Variants in LAMA3 observed in about 807,000 individuals in gnomAD.
LAMA3 encodes laminin subunit alpha 3.
In LAMA3, 281 loss-of-function variants were observed where a neutral mutation model predicts 402.0. The observed-to-expected ratio is 0.70, with a 90% CI of 0.63 to 0.77. The LOEUF (loss-of-function observed/expected upper bound fraction) is 0.77, where lower values mean the gene tolerates loss of function less well. Ranked by LOEUF, LAMA3 falls within the 30% of genes least tolerant of loss-of-function variation. The probability of loss-of-function intolerance (pLI) is 0.00; values close to 1 mark genes in which losing one functional copy is unlikely to be tolerated. For synonymous variants in LAMA3, 1,431 were observed against 1,558.4 expected, an observed-to-expected ratio of 0.92 and a Z score of 1.93; for missense variants, 3,840 against 4,215.5, an observed-to-expected ratio of 0.91 and a Z score of 2.47.
At chr18:23,803,823 C>T (rs1568200751) in intron 12 of LAMA3, among the ~76,000 whole-genome samples, 1 of 152,220 alleles carries the variant, frequency 6.6e-6, no homozygotes, top group African/African-American at 2.4e-5. Context: ...TGGTCTAAAA[C>T]AGGCCTAAGT....
intron 51 of LAMA3, among the ~76,000 whole-genome samples, 200 bp from the exon 52 acceptor site, chr18:23,905,322 C>T (rs1332439848): frequency 1.3e-5 from 2 of 152,074 alleles, no homozygotes; most frequent in Non-Finnish European, 1.5e-5. Flanking sequence ...GAGATAGGCC[C>T]ACCTCCCCAA....
intron 1 of LAMA3, among the ~76,000 whole-genome samples, chr18:23,694,931 C>T (rs1343113211): frequency 6.6e-6 from 1 of 152,204 alleles, no homozygotes. Context: ...CTTAGACACC[C>T]CATCAATGCT....
chr18:23,894,143 G>A (rs2080793177), intron 42 of LAMA3, among the ~76,000 whole-genome samples, 155 bp from the exon 43 acceptor site: 2 of 151,512 alleles, frequency 1.3e-5, no homozygotes, highest in Non-Finnish European at 2.9e-5. Flanking sequence ...AAGTAATTGT[G>A]GGTTTTGCCA....
At position 23,953,334 on chromosome 18, in the gene LAMA3, T is replaced by G. The variant is rs911204636; in HGVS notation, c.9856+225T>G. Among the ~76,000 whole-genome samples the G allele has an allele frequency of 3.4e-3, 501 of 148,142 alleles. 7 individuals carry two copies. Among genetic ancestry groups the G allele is most frequent in the African/African-American group, 0.012 (480 of 40,414 alleles). On this transcript the variant is annotated intron_variant, in intron 74 of 74. Transcript: ENST00000313654. Reference sequence around the variant, plus strand: ...CCAAGCCTGTAATTTTGTTTTTTTTTTTTGTTTTTTTTTTTGTTTTTTTTT... The same window carrying G: ...CCAAGCCTGTAATTTTGTTTTTTTTGTTTGTTTTTTTTTTTGTTTTTTTTT...
chr18:23,791,420 A>T (rs1024835653), intron 12 of LAMA3, among the ~76,000 whole-genome samples: 1 of 152,110 alleles, frequency 6.6e-6, no homozygotes, highest in Non-Finnish European at 1.5e-5. Flanking sequence ...AAAATGATAG[A>T]TAATTGGGAT....
intron 2 of LAMA3, 118 bp downstream of exon 2, chr18:23,714,190 A>G: frequency 9.7e-7 from 1 of 1,030,640 alleles, no homozygotes; most frequent in South Asian, 1.5e-5. Flanking sequence ...TCCCCTCATC[A>G]TTGTTAAACC....
chr18:23,777,766 A>G (rs533460905), intron 11 of LAMA3, 147 bp downstream of exon 11: 3 of 716,328 alleles, frequency 4.2e-6, no homozygotes, highest in African/African-American at 3.5e-5. Flanking sequence ...TAGTTGACCT[A>G]CTCCCCACCC....
intron 59 of LAMA3, among the ~76,000 whole-genome samples, chr18:23,916,032 G>GAA (rs1161975680): frequency 8.6e-6 from 1 of 116,316 alleles, no homozygotes; most frequent in African/African-American, 3.7e-5. Flanking sequence ...AAAAAAAAAA[G>GAA]AAAAGAAAAG....
chr18:23,705,115 T>C (rs958314528), intron 1 of LAMA3, among the ~76,000 whole-genome samples: 3 of 152,182 alleles, frequency 2.0e-5, no homozygotes, highest in African/African-American at 7.2e-5. Flanking sequence ...TGTGAGTCCC[T>C]TGTTCTGTTT....
At chr18:23,896,783 A>G (rs528012524) in intron 44 of LAMA3, among the ~76,000 whole-genome samples, 87 of 152,266 alleles carry the variant, frequency 5.7e-4, no homozygotes, top group African/African-American at 1.9e-3. Flanking sequence ...CAACGCCACT[A>G]TGGTATATAA....
chr18:23,929,526 C>T (rs1161426721), intron 64 of LAMA3, among the ~76,000 whole-genome samples: 1 of 151,154 alleles, frequency 6.6e-6, no homozygotes, highest in African/African-American at 2.4e-5. Flanking sequence ...GAAGGCCGCC[C>T]CTCTCTTGGT....
chr18:23,854,036 A>G (rs189582212), intron 32 of LAMA3, among the ~76,000 whole-genome samples: 5 of 152,352 alleles, frequency 3.3e-5, no homozygotes, highest in Admixed American at 3.3e-4. Context: ...TAGCAGGCCC[A>G]GCGGGGCCAC....
In LAMA3 at chr18:23,918,650, G is replaced by C. The variant is rs567512081; in HGVS notation, c.7923+1955G>C. Among the ~76,000 whole-genome samples, 1 of 152,188 alleles carries C rather than the reference G, an allele frequency of 6.6e-6. No individual in the cohort carries two copies. Among genetic ancestry groups the C allele is most frequent in the Non-Finnish European group, 1.5e-5 (1 of 68,046 alleles). Reference sequence around the variant, plus strand: ...ATCTGCTGGTTGATGGAGAGTTGGCGTGATGTTTGCTGCTTTATACCTATA... The same window carrying C: ...ATCTGCTGGTTGATGGAGAGTTGGCCTGATGTTTGCTGCTTTATACCTATA... On this transcript the variant is annotated intron_variant, in intron 60 of 74. Coordinates refer to ENST00000313654, the MANE Select transcript of LAMA3 (RefSeq NM_198129.4). This position sits in a 1 kb window ranked among gnomAD's most constrained non-coding sequence, Gnocchi z 4.1.
At chr18:23,858,636 A>G (rs1842393358) in intron 33 of LAMA3, 53 bp from the exon 34 acceptor site, 14 of 1,597,088 alleles carry the variant, frequency 8.8e-6, no homozygotes, top group Middle Eastern at 1.7e-4. Context: ...GCTAATTGCA[A>G]CTAGGGAAAT....
chr18:23,770,790 G>T (rs1032872139), intron 8 of LAMA3, among the ~76,000 whole-genome samples: 1 of 152,070 alleles, frequency 6.6e-6, no homozygotes, highest in Non-Finnish European at 1.5e-5. Flanking sequence ...ACAAAAAAAA[G>T]AGCTTAACAT....
intron 70 of LAMA3, chr18:23,946,518 C>T (rs1382350780): frequency 1.8e-6 from 1 of 546,314 alleles, no homozygotes; most frequent in South Asian, 2.1e-5. Flanking sequence ...GAAGATAGAG[C>T]TTCTCTGCCA....
intron 32 of LAMA3, among the ~76,000 whole-genome samples, chr18:23,852,485 A>C (rs4334381): frequency 0.63 from 95,656 of 151,504 alleles, 30,661 homozygotes; most frequent in African/African-American, 0.68. Context: ...GAGGTTTTTT[A>C]GCTTTCCCTT....
In LAMA3 at chr18:23,905,589, A is replaced by G. The variant is rs1194736462; in HGVS notation, c.6683A>G (p.Asn2228Ser). The change falls in exon 52 of 75, where the codon AAT (asparagine) becomes AGT (serine). Residue 2228 changes from asparagine (N) to serine (S), a missense_variant. By Grantham distance (46) the Asn-to-Ser change is conservative. This residue lies in a region of LAMA3 where 891 missense variants were observed against 857.5 expected (regional missense o/e 1.04). Coordinates refer to ENST00000313654, the MANE Select transcript of LAMA3 (RefSeq NM_198129.4). ...TLSSNSDKLLNEAKMTQKKLK... is the reference protein window; with the variant it reads ...TLSSNSDKLLSEAKMTQKKLK... ...AGTTCCAACAGTGATAAACTGTTAA[A>G]TGAAGCCAAGATGACACAAAAGAAG... 3 of 1,611,610 alleles carry G rather than the reference A, an allele frequency of 1.9e-6. No individual in the cohort carries two copies. In the South Asian group the frequency reaches 3.3e-5, roughly 18 times the overall value.
chr18:23,844,307 A>G (rs1287203594), intron 29 of LAMA3, among the ~76,000 whole-genome samples: 1 of 152,250 alleles, frequency 6.6e-6, no homozygotes, highest in Admixed American at 6.5e-5. Flanking sequence ...TAGGGTACCA[A>G]GTATGATGAA....
Sources: gnomAD v4.1 joint callset for allele counts (sites outside exome capture counted in the v4.1 genomes callset) on GRCh38, gnomAD v4.1.1 for gene constraint, gnomAD v4.1.1 regional missense constraint, Gnocchi (gnomAD v3.1) non-coding constraint, MANE v1.5 for transcripts, NCBI Gene and HGNC (gene_info 2026-07-23, HGNC 2026-07-21) for gene names.